UBP1: variants seen among roughly 807,000 people sequenced by gnomAD.
The protein encoded by UBP1 is upstream-binding protein 1.
A neutral mutation model predicts 76.1 loss-of-function variants in UBP1; 22 were observed. The observed-to-expected ratio is 0.29, with a 90% confidence interval of 0.21 to 0.41. The LOEUF (loss-of-function observed/expected upper bound fraction) is 0.41, where lower values mean the gene tolerates loss of function less well. Ranked by LOEUF, UBP1 falls within the 10% of genes least tolerant of loss-of-function variation. The pLI is 1.00. For synonymous variants in UBP1, 224 were observed against 237.1 expected (o/e 0.94, Z 0.51); for missense variants, 436 against 668.1 (o/e 0.65, Z 3.83).
intron 1 of UBP1, among the ~76,000 whole-genome samples, chr3:33,426,308 A>G (rs1199735839): frequency 6.6e-6 from 1 of 152,032 alleles, no homozygotes. Context: ...GGTAAACAGG[A>G]GCAGCAGCAG....
chr3:33,397,214 G>A (rs1337547815), intron 11 of UBP1, 79 bp from the exon 12 acceptor site: 11 of 1,037,384 alleles, frequency 1.1e-5, no homozygotes, highest in Middle Eastern at 3.2e-4. Context: ...TCTTCATGCA[G>A]TCCAATGTCC....
rs535325213 is a variant in UBP1, at chr3:33,436,500, T to C, written c.113+3236A>G. On this transcript the variant is annotated intron_variant, in intron 1 of 15. Coordinates refer to ENST00000283629, the MANE Select transcript of UBP1 (RefSeq NM_014517.5). ...AAGAGATTTATACCACAGCGAAGTT[T>C]AACAAACAGGGCTCAGACAATACCT... 3.9e-5 allele frequency among the ~76,000 whole-genome samples: 6 copies of C among 152,360 alleles called. No homozygotes were observed. In the South Asian group the frequency reaches 1.0e-3, roughly 26 times the overall value.
At chr3:33,400,663 C>T (rs758422215) in intron 10 of UBP1, among the ~76,000 whole-genome samples, 14 of 151,684 alleles carry the variant, frequency 9.2e-5, no homozygotes, top group Admixed American at 1.3e-4. Flanking sequence ...TAACAGAGAC[C>T]GGGAAGAATG....
intron 3 of UBP1, among the ~76,000 whole-genome samples, chr3:33,415,763 A>T (rs28707687): frequency 6.6e-6 from 1 of 151,994 alleles, no homozygotes; most frequent in Non-Finnish European, 1.5e-5. Context: ...CAAAAAAAAA[A>T]ACACAGAACA....
chr3:33,402,803 G>A lies in UBP1; in HGVS notation c.1029C>T (p.Asp343=). ...SPQQSTCSVP[D]SNSSSPNHQG... is the part of the protein sequence containing the mutation. The stretch of plus-strand genomic sequence containing the variant: ...ACACGATCACACAAACTAGATACCT[G>A]TCTGGGACACTGCAAGTGCTCTGCT... Residue 343 remains aspartate (D), a splice_region_variant and synonymous_variant, in exon 9 of 16, where the codon GAC becomes GAT. Transcript: ENST00000283629. The A allele has an allele frequency of 1.3e-6, 2 of 1,578,190 alleles. No individual in the cohort carries two copies. Among genetic ancestry groups the A allele is most frequent in the Non-Finnish European group, 1.7e-6 (2 of 1,165,778 alleles).
chr3:33,417,772 T>C (rs569532403), intron 2 of UBP1, among the ~76,000 whole-genome samples: 81 of 152,196 alleles, frequency 5.3e-4, no homozygotes, highest in Admixed American at 1.9e-3. Context: ...AAAGAATGCT[T>C]ATAATATCAC....
At chr3:33,398,161 T>C (rs1004071541) in intron 11 of UBP1, 5 of 152,162 alleles carry the variant, frequency 3.3e-5, no homozygotes, top group African/African-American at 1.2e-4. Context: ...CAGGATACAG[T>C]TTATTGGGGG....
At chr3:33,430,154 T>G (rs1008452970) in intron 1 of UBP1, among the ~76,000 whole-genome samples, 1 of 152,118 alleles carries the variant, frequency 6.6e-6, no homozygotes, top group South Asian at 2.1e-4. Flanking sequence ...ACTAACAAGA[T>G]AAAGAAACAG....
At chr3:33,393,649 A>G (rs956348823) in intron 13 of UBP1, among the ~76,000 whole-genome samples, 195 bp from the exon 14 acceptor site, 23 of 152,338 alleles carry the variant, frequency 1.5e-4, no homozygotes, top group Admixed American at 9.8e-4. Context: ...TCTAAAACGT[A>G]AGAATACATT....
At chr3:33,426,028 T>TATAG (rs1192108200) in intron 1 of UBP1, among the ~76,000 whole-genome samples, 1 of 84,782 alleles carries the variant, frequency 1.2e-5, no homozygotes, top group Admixed American at 1.6e-4. Flanking sequence ...TATATATATA[T>TATAG]ATATATATAT....
At chr3:33,416,187 T>C (rs906872804) in intron 3 of UBP1, 3 of 152,342 alleles carry the variant, frequency 2.0e-5, no homozygotes, top group Admixed American at 1.3e-4. Context: ...CCAATTAAGA[T>C]TCTTTCATTA....
At chr3:33,395,330 C>CTT (rs397940588) in intron 13 of UBP1, among the ~76,000 whole-genome samples, 3 of 147,558 alleles carry the variant, frequency 2.0e-5, no homozygotes, top group Non-Finnish European at 4.5e-5. Context: ...ATTAACACAT[C>CTT]TTTTTTTTTT....
intron 1 of UBP1, among the ~76,000 whole-genome samples, chr3:33,427,191 C>T (rs1303615272): frequency 1.3e-5 from 2 of 152,242 alleles, no homozygotes. Flanking sequence ...TCTCAAACTC[C>T]TGGCCTCAAG....
rs1575497039 is a variant in UBP1 at position 33,440,319 on chromosome 3, A to C, written c.-471T>G. ...CGGCCCGCCCAGGCTCTAGCGCCAC[A>C]CCGCCCCGGCCAACCCCGCCGACGC... On this transcript the variant is annotated 5_prime_UTR_variant, in exon 1 of 16. Transcript: ENST00000283629. 1 of 136,362 alleles carries C rather than the reference A, an allele frequency of 7.3e-6. No homozygotes were observed. The highest frequency in any genetic ancestry group is 1.5e-5 in the Non-Finnish European group (1 of 64,784). The allele number at this position is 136,362 out of a possible 1,614,324, so 8.4% of individuals were successfully genotyped here. A position where few individuals can be genotyped will look rare whatever the true frequency, so the allele number is the denominator to read the frequency against.
At chr3:33,395,279 T>C (rs1479612307) in intron 13 of UBP1, among the ~76,000 whole-genome samples, 2 of 152,094 alleles carry the variant, frequency 1.3e-5, no homozygotes, top group East Asian at 3.8e-4. Flanking sequence ...TTTTCAGAGC[T>C]CTACCTATTC....
Position 33,394,191 on chromosome 3 carries a change from T to TTTATTATTATTATTATTA in UBP1, c.1391-755_1391-738dup, listed in dbSNP as rs148929407. ...CACACGCCACCATGCCTGGCTAATTTTTATTATTATTATTATTATTATTAT... is the reference window on the plus strand; with the variant it reads ...CACACGCCACCATGCCTGGCTAATTTTTATTATTATTATTATTATTATTATTATTATTATTATTATTAT... On this transcript the variant is annotated intron_variant, in intron 13 of 15. Transcript: ENST00000283629. Among the ~76,000 whole-genome samples, 530 of 143,410 alleles carry TTTATTATTATTATTATTA rather than the reference T, an allele frequency of 3.7e-3. 4 individuals carry two copies. Among genetic ancestry groups the TTTATTATTATTATTATTA allele is most frequent in the South Asian group, 6.2e-3 (28 of 4,484 alleles). 94.1% of individuals were successfully genotyped at this position (143,410 alleles called of 152,430 possible). A position where few individuals can be genotyped will look rare whatever the true frequency, so the allele number is the denominator to read the frequency against.
chr3:33,427,369 T>C (rs564510780), intron 1 of UBP1, among the ~76,000 whole-genome samples: 1 of 152,382 alleles, frequency 6.6e-6, no homozygotes, highest in East Asian at 1.9e-4. Context: ...GTTTTTGAGA[T>C]AATTATCTGA....
chr3:33,426,800 C>T (rs1179992836), intron 1 of UBP1, among the ~76,000 whole-genome samples: 3 of 152,118 alleles, frequency 2.0e-5, no homozygotes, highest in Admixed American at 1.3e-4. Flanking sequence ...ATAGGCATAC[C>T]GTATTCTGTA....
At chr3:33,418,840 C>T (rs184312550) in intron 2 of UBP1, among the ~76,000 whole-genome samples, 15 of 88,540 alleles carry the variant, frequency 1.7e-4, no homozygotes, top group Non-Finnish European at 2.5e-4. Context: ...GCCCAGGCAA[C>T]AAGAACGAAA....
Sources: allele counts gnomAD v4.1 joint callset (sites outside exome capture counted in the v4.1 genomes callset), GRCh38; gene constraint gnomAD v4.1.1; transcripts MANE v1.5; gene names NCBI Gene and HGNC (gene_info 2026-07-23, HGNC 2026-07-21).